Variants in RAD18 observed in about 807,000 individuals in gnomAD.
The protein encoded by RAD18 is E3 ubiquitin-protein ligase RAD18.
RAD18 carries 47 observed loss-of-function variants against 60.4 expected under a neutral mutation model. The observed-to-expected ratio is 0.78, with a 90% CI of 0.62 to 0.99. The LOEUF is 0.99. Among genes scored for constraint, RAD18 ranks in the 50% least tolerant of loss-of-function variants. The pLI, the probability that RAD18 is intolerant of heterozygous loss-of-function variation, is 0.00. For synonymous variants in RAD18, 225 were observed against 195.5 expected, an observed-to-expected ratio of 1.15 and a Z score of -1.26; for missense variants, 640 against 593.3, an observed-to-expected ratio of 1.08 and a Z score of -0.82.
At chr3:8,898,775 A>G in intron 11 of RAD18, 119 bp downstream of exon 11, 1 of 884,498 alleles carries the variant, frequency 1.1e-6, no homozygotes, top group Non-Finnish European at 1.6e-6. Context: ...GGGGACTGAA[A>G]TGTAAGAGTG....
intron 6 of RAD18, among the ~76,000 whole-genome samples, chr3:8,938,410 T>C (rs922264137): frequency 3.9e-5 from 6 of 152,230 alleles, no homozygotes; most frequent in Non-Finnish European, 5.9e-5. Context: ...AATAATACTA[T>C]GGCTCTGTCT....
chr3:8,909,626 G>A (rs1230741171), intron 9 of RAD18, among the ~76,000 whole-genome samples: 1 of 152,136 alleles, frequency 6.6e-6, no homozygotes, highest in East Asian at 1.9e-4. Context: ...TGAAAATTTG[G>A]AGAAAAGTAT....
intron 7 of RAD18, among the ~76,000 whole-genome samples, chr3:8,917,022 A>G (rs1361022968): frequency 6.6e-6 from 1 of 152,204 alleles, no homozygotes; most frequent in Non-Finnish European, 1.5e-5. Flanking sequence ...AACAAACCCA[A>G]AATGACAACA....
Position 8,877,776 on chromosome 3 carries a change from A to T in RAD18, c.*3581T>A, listed in dbSNP as rs1939388417. The T allele has an allele frequency of 6.6e-6, 1 of 152,168 alleles. No individual in the cohort carries two copies. The highest frequency in any genetic ancestry group is 2.4e-5 in the African/African-American group (1 of 41,400). 9.4% of individuals were successfully genotyped at this position (152,168 alleles called of 1,614,324 possible). A position where few individuals can be genotyped will look rare whatever the true frequency, so the allele number is the denominator to read the frequency against. ...ACATATAGTCCTAATAGTTGAAGGA[A>T]GGAAGGACAGGAAGAGTGGAAAGGA... On this transcript the variant is annotated 3_prime_UTR_variant, in exon 13 of 13. Coordinates refer to ENST00000264926, the MANE Select transcript of RAD18 (RefSeq NM_020165.4).
At chr3:8,925,110 A>G (rs1457482006) in intron 7 of RAD18, among the ~76,000 whole-genome samples, 1 of 152,270 alleles carries the variant, frequency 6.6e-6, no homozygotes, top group Non-Finnish European at 1.5e-5. Flanking sequence ...CAAAAAATCA[A>G]TGAATCCAGG....
At chr3:8,941,355 A>T in intron 5 of RAD18, 112 bp downstream of exon 5, 1 of 953,382 alleles carries the variant, frequency 1.0e-6, no homozygotes. Flanking sequence ...GATATGGTAA[A>T]ATCTGGTTTG....
intron 7 of RAD18, among the ~76,000 whole-genome samples, chr3:8,918,352 T>A (rs1466626762): frequency 2.0e-5 from 3 of 148,258 alleles, no homozygotes; most frequent in African/African-American, 5.0e-5. Context: ...GGAAATTATA[T>A]CGTGATAAAA....
Position 8,881,560 on chromosome 3 carries a change from T to C in RAD18, c.1386-101A>G, listed in dbSNP as rs895086186. 28 of 868,794 alleles carry C rather than the reference T, an allele frequency of 3.2e-5. No homozygotes were observed. In the African/African-American group the frequency reaches 4.4e-4, roughly 14 times the overall value. 53.8% of individuals were successfully genotyped at this position (868,794 alleles called of 1,614,324 possible). A position where few individuals can be genotyped will look rare whatever the true frequency, so the allele number is the denominator to read the frequency against. On this transcript the variant is annotated intron_variant, in intron 12 of 12. Transcript: ENST00000264926. ...TCACACATATTATTTCATTAAAACC[T>C]CGAAATAATCCTCTATTCTGTTGAT...
At chr3:8,915,672 C>T (rs548233362) in intron 7 of RAD18, among the ~76,000 whole-genome samples, 33 of 151,852 alleles carry the variant, frequency 2.2e-4, no homozygotes, top group African/African-American at 7.3e-4. Flanking sequence ...CAAGCTCTGC[C>T]TTCCGGGTTC....
intron 4 of RAD18, among the ~76,000 whole-genome samples, chr3:8,944,205 A>T (rs1303468017): frequency 6.6e-6 from 1 of 152,224 alleles, no homozygotes; most frequent in African/African-American, 2.4e-5. Context: ...TAAAATGGAC[A>T]AATTCTTTGA....
At chr3:8,890,907 A>C (rs574494112) in intron 11 of RAD18, among the ~76,000 whole-genome samples, 3 of 151,920 alleles carry the variant, frequency 2.0e-5, no homozygotes, top group Non-Finnish European at 4.4e-5. Flanking sequence ...TCTTTACCTG[A>C]TGTGCTTAAG....
intron 5 of RAD18, among the ~76,000 whole-genome samples, chr3:8,940,972 T>C (rs1940736176): frequency 6.6e-6 from 1 of 152,150 alleles, no homozygotes; most frequent in South Asian, 2.1e-4. Flanking sequence ...CTGCCAGTTG[T>C]AGTTTGCCAA....
intron 7 of RAD18, among the ~76,000 whole-genome samples, chr3:8,929,318 A>C (rs1940506766): frequency 6.6e-6 from 1 of 152,110 alleles, no homozygotes; most frequent in South Asian, 2.1e-4. Context: ...CTTTAGAAAA[A>C]CGAGAAAAAT....
intron 1 of RAD18, among the ~76,000 whole-genome samples, chr3:8,962,877 G>A (rs112046382): frequency 1.9e-3 from 293 of 152,286 alleles, no homozygotes; most frequent in African/African-American, 6.8e-3. Context: ...TACGTTTATT[G>A]AGAATAATCA....
At chr3:8,919,243 A>C (rs1575545986) in intron 7 of RAD18, among the ~76,000 whole-genome samples, 1 of 152,186 alleles carries the variant, frequency 6.6e-6, no homozygotes, top group East Asian at 1.9e-4. Flanking sequence ...TGCTAAACTT[A>C]AACAAGATGA....
chr3:8,893,077 G>T (rs1559757758), intron 11 of RAD18, among the ~76,000 whole-genome samples: 1 of 152,156 alleles, frequency 6.6e-6, no homozygotes, highest in Admixed American at 6.5e-5. Context: ...ATTTGGGTCT[G>T]AATTATCTGA....
chr3:8,894,161 AT>A (rs563837391), intron 11 of RAD18, among the ~76,000 whole-genome samples: 2 of 152,184 alleles, frequency 1.3e-5, no homozygotes, highest in Non-Finnish European at 2.9e-5. Flanking sequence ...AATGCTATTG[AT>A]TTTACCAGAG....
intron 2 of RAD18, among the ~76,000 whole-genome samples, chr3:8,950,413 G>GC (rs1242757803): frequency 6.6e-6 from 1 of 152,116 alleles, no homozygotes; most frequent in Non-Finnish European, 1.5e-5. Context: ...TTTTATCAGA[G>GC]CCCAGCTGAC....
intron 12 of RAD18, among the ~76,000 whole-genome samples, chr3:8,886,306 G>A (rs948467464): frequency 6.6e-6 from 1 of 152,176 alleles, no homozygotes; most frequent in African/African-American, 2.4e-5. Context: ...GCAAAAGGGA[G>A]GAGGTATAAT....
Sources: gnomAD v4.1 joint callset for allele counts (sites outside exome capture counted in the v4.1 genomes callset) on GRCh38, gnomAD v4.1.1 for gene constraint, MANE v1.5 for transcripts, NCBI Gene and HGNC (gene_info 2026-07-23, HGNC 2026-07-21) for gene names.